ZNF652: variants seen among roughly 807,000 people sequenced by gnomAD.
ZNF652 encodes the protein zinc finger protein 652.
In ZNF652, 16 loss-of-function variants were observed where a neutral mutation model predicts 45.2. That is an observed-to-expected ratio of 0.35 (90% CI 0.24 to 0.54). The LOEUF (loss-of-function observed/expected upper bound fraction) is 0.54, where lower values mean the gene tolerates loss of function less well. Among genes scored for constraint, ZNF652 ranks in the 20% least tolerant of loss-of-function variants. The pLI is 0.91. For missense variants in ZNF652, 614 were observed against 765.6 expected (o/e 0.80, Z 2.34); for synonymous variants, 250 against 260.6 (o/e 0.96, Z 0.39).
At chr17:49,299,765 C>A (rs757971089) in intron 5 of ZNF652, among the ~76,000 whole-genome samples, 13 of 151,960 alleles carry the variant, frequency 8.6e-5, no homozygotes, top group Non-Finnish European at 1.5e-5. Flanking sequence ...CAGTTTCAAC[C>A]TCCTGGGCTC....
chr17:49,294,662 C>G lies in ZNF652; in HGVS notation c.*3751G>C, dbSNP rs887716372. 6.6e-6 allele frequency: 1 copy of G among 152,088 alleles called. No individual in the cohort carries two copies. The highest frequency in any genetic ancestry group is 1.5e-5 in the Non-Finnish European group (1 of 68,012). 9.4% of individuals were successfully genotyped at this position (152,088 alleles called of 1,614,324 possible). ...TAGAAAAATAAAAACGAAACAAATACAAACCAACCCACACACACAAAAAAT... is the reference window on the plus strand; with the variant it reads ...TAGAAAAATAAAAACGAAACAAATAGAAACCAACCCACACACACAAAAAAT... On this transcript the variant is annotated 3_prime_UTR_variant, in exon 6 of 6. Coordinates refer to ENST00000430262, the MANE Select transcript of ZNF652 (RefSeq NM_001145365.3).
chr17:49,330,893 C>T (rs918169338), intron 1 of ZNF652, among the ~76,000 whole-genome samples: 1 of 88,792 alleles, frequency 1.1e-5, no homozygotes, highest in Non-Finnish European at 2.5e-5. Context: ...TCTACTAAAA[C>T]AAACAAACAA....
chr17:49,323,321 G>A (rs988297572), intron 1 of ZNF652, among the ~76,000 whole-genome samples: 1 of 152,148 alleles, frequency 6.6e-6, no homozygotes, highest in African/African-American at 2.4e-5. Context: ...ATCAAGAGAT[G>A]GCAGCAACTC....
intron 1 of ZNF652, among the ~76,000 whole-genome samples, chr17:49,329,010 C>T (rs752478838): frequency 3.3e-5 from 5 of 152,168 alleles, no homozygotes; most frequent in Non-Finnish European, 7.3e-5. Context: ...CAACAAAATA[C>T]CTTTACAATA....
At chr17:49,326,795 T>TG (rs1295290947) in intron 1 of ZNF652, among the ~76,000 whole-genome samples, 1 of 152,196 alleles carries the variant, frequency 6.6e-6, no homozygotes, top group African/African-American at 2.4e-5. Flanking sequence ...TATACTGTAT[T>TG]GGGGGCAGCA....
At chr17:49,355,031 G>A (rs935126674) in intron 1 of ZNF652, among the ~76,000 whole-genome samples, 35 of 152,030 alleles carry the variant, frequency 2.3e-4, no homozygotes, top group East Asian at 5.8e-4. Context: ...CGGCCACATC[G>A]GCAGTATTAA....
chr17:49,316,053 C>G (rs965207761), intron 2 of ZNF652, among the ~76,000 whole-genome samples: 2 of 152,206 alleles, frequency 1.3e-5, no homozygotes, highest in African/African-American at 4.8e-5. Flanking sequence ...TTACCTCTTA[C>G]GAATATTCAT....
rs2070270666 is a variant in ZNF652, at chr17:49,351,004, TATATATATATAC to T, written c.-259+10893_-259+10904del. ...ATATATATATATATATATATATATA[TATATATATATAC>T]ACACACACACACACACACACACACA... On this transcript the variant is annotated intron_variant, in intron 1 of 5. Coordinates refer to ENST00000430262, the MANE Select transcript of ZNF652 (RefSeq NM_001145365.3). Among the ~76,000 whole-genome samples the T allele has an allele frequency of 6.2e-4, 13 of 21,076 alleles. No individual in the cohort carries two copies. In the South Asian group the frequency reaches 9.7e-3, roughly 16 times the overall value. The allele number at this position is 21,076 out of a possible 152,430, so 13.8% of individuals were successfully genotyped here. A position where few individuals can be genotyped will look rare whatever the true frequency, so the allele number is the denominator to read the frequency against.
chr17:49,311,082 G>C (rs2069704757), intron 5 of ZNF652, among the ~76,000 whole-genome samples: 1 of 152,114 alleles, frequency 6.6e-6, no homozygotes, highest in Non-Finnish European at 1.5e-5. Flanking sequence ...TGTCTTAAAA[G>C]AGCTCAAAGT....
intron 5 of ZNF652, among the ~76,000 whole-genome samples, chr17:49,306,859 T>C (rs1477981970): frequency 6.6e-6 from 1 of 152,084 alleles, no homozygotes; most frequent in East Asian, 1.9e-4. Context: ...CTCAAGCGAT[T>C]CTCCTGCCTC....
At chr17:49,358,339 T>A (rs1346240630) in intron 1 of ZNF652, among the ~76,000 whole-genome samples, 2 of 152,186 alleles carry the variant, frequency 1.3e-5, no homozygotes, top group Non-Finnish European at 1.5e-5. Context: ...TCAGAAATGA[T>A]GACAACACCT....
chr17:49,354,359 C>A (rs1186492520), intron 1 of ZNF652, among the ~76,000 whole-genome samples: 2 of 152,038 alleles, frequency 1.3e-5, no homozygotes, highest in Non-Finnish European at 2.9e-5. Context: ...TAAGTCTCTG[C>A]TGTGTAATAT....
At chr17:49,342,010 AC>A in intron 1 of ZNF652, among the ~76,000 whole-genome samples, 1 of 152,230 alleles carries the variant, frequency 6.6e-6, no homozygotes, top group South Asian at 2.1e-4. Flanking sequence ...ATATGGCGAA[AC>A]CCCATCTCTA....
chr17:49,317,122 T>C lies in ZNF652; in HGVS notation c.604A>G (p.Thr202Ala), dbSNP rs1279006798. 1 of 1,614,124 alleles carries C rather than the reference T, an allele frequency of 6.2e-7. No individual in the cohort carries two copies. The highest frequency in any genetic ancestry group is 8.5e-7 in the Non-Finnish European group (1 of 1,180,034). ...GTAGTTCTGGGAGTAGGGGAAGTGG[T>C]AGCTGCGGCAACAGAGGCAGCTCTC... ...TRRAASVAAA[T>A]TSPTPRTTRG... The change falls in exon 2 of 6, where the codon ACC becomes GCC. Residue 202 changes from threonine to alanine, a missense_variant. Thr to Ala is a moderately conservative substitution (Grantham distance 58). Coordinates refer to ENST00000430262, the MANE Select transcript of ZNF652 (RefSeq NM_001145365.3).
rs1052681374 is a variant in ZNF652 at position 49,294,162 on chromosome 17, A to C, written c.*4251T>G. ...ATTCAACAATCATAAAAACTGAAAA[A>C]AATTTCAAGAATTAAAAAATTCATA... On this transcript the variant is annotated 3_prime_UTR_variant, in exon 6 of 6. Coordinates refer to ENST00000430262, the MANE Select transcript of ZNF652 (RefSeq NM_001145365.3). Among the ~76,000 whole-genome samples, 1 of 152,178 alleles carries C rather than the reference A, an allele frequency of 6.6e-6. No individual in the cohort carries two copies. The highest frequency in any genetic ancestry group is 2.4e-5 in the African/African-American group (1 of 41,448).
chr17:49,359,223 G>A (rs1257536068), intron 1 of ZNF652, among the ~76,000 whole-genome samples: 3 of 152,154 alleles, frequency 2.0e-5, no homozygotes, highest in Non-Finnish European at 4.4e-5. Context: ...AATGATTTCC[G>A]ACAGTAAAAC....
intron 5 of ZNF652, among the ~76,000 whole-genome samples, chr17:49,306,899 T>C (rs986494085): frequency 2.0e-5 from 3 of 152,070 alleles, no homozygotes; most frequent in South Asian, 2.1e-4. Flanking sequence ...ATTACAGGCA[T>C]GCGCCACCAC....
chr17:49,293,167 T>C lies in ZNF652; in HGVS notation c.*5246A>G, dbSNP rs537830919. Among the ~76,000 whole-genome samples, 1 of 152,354 alleles carries C rather than the reference T, an allele frequency of 6.6e-6. No homozygotes were observed. Among genetic ancestry groups the C allele is most frequent in the East Asian group, 1.9e-4 (1 of 5,192 alleles). On this transcript the variant is annotated 3_prime_UTR_variant, in exon 6 of 6. Transcript: ENST00000430262. Reference sequence around the variant, plus strand: ...TAACAAAGCAGAAAGAAAGCCACCTTGTAAGTAGTTTCTTACTACAATACA... The same window carrying C: ...TAACAAAGCAGAAAGAAAGCCACCTCGTAAGTAGTTTCTTACTACAATACA...
chr17:49,324,985 C>T (rs996519543), intron 1 of ZNF652, among the ~76,000 whole-genome samples: 35 of 152,040 alleles, frequency 2.3e-4, no homozygotes, highest in African/African-American at 7.7e-4. Flanking sequence ...AGGTGGTCCG[C>T]CCACCTTGGC....
Sources: allele counts gnomAD v4.1 joint callset (sites outside exome capture counted in the v4.1 genomes callset), GRCh38; gene constraint gnomAD v4.1.1; transcripts MANE v1.5; gene names NCBI Gene and HGNC (gene_info 2026-07-23, HGNC 2026-07-21).